The following FYB2 variants were observed in gnomAD, a reference collection of about 807,000 sequenced individuals.
The protein encoded by FYB2 is FYN binding protein 2, also known as FYN-binding protein 2.
In FYB2, 103 loss-of-function variants were observed where a neutral mutation model predicts 94.1. The observed-to-expected ratio is 1.09, with a 90% CI of 0.93 to 1.29. The LOEUF is 1.29. Ranked by LOEUF, FYB2 falls within the 50% of genes most tolerant of loss-of-function variation. FYB2 has a pLI of 0.00. For missense variants in FYB2, 896 were observed against 841.5 expected (o/e 1.06, Z -0.80); for synonymous variants, 293 against 287.9 (o/e 1.02, Z -0.18).
At chr1:56,790,631 G>A (rs1570163860) in intron 2 of FYB2, among the ~76,000 whole-genome samples, 1 of 152,264 alleles carries the variant, frequency 6.6e-6, no homozygotes, top group East Asian at 1.9e-4. Flanking sequence ...GTTCTAGGAA[G>A]TGGGGATAGA....
chr1:56,818,211 G>A (rs1038273638), intron 1 of FYB2, among the ~76,000 whole-genome samples: 1 of 152,052 alleles, frequency 6.6e-6, no homozygotes, highest in Admixed American at 6.6e-5. Flanking sequence ...TCAGAGGAGG[G>A]AGATGAAGTC....
At chr1:56,805,602 A>T (rs923117816) in intron 1 of FYB2, among the ~76,000 whole-genome samples, 24 of 152,166 alleles carry the variant, frequency 1.6e-4, no homozygotes, top group African/African-American at 5.6e-4. Flanking sequence ...CAGCCCTGAC[A>T]CCAAAGCCTG....
intron 17 of FYB2, 87 bp from the exon 18 acceptor site, chr1:56,720,416 T>A: frequency 3.2e-6 from 4 of 1,234,524 alleles, no homozygotes; most frequent in Non-Finnish European, 4.4e-6. Context: ...TATAGTAACT[T>A]CAAAATTAAC....
chr1:56,758,455 A>G (rs1314141331), intron 6 of FYB2, among the ~76,000 whole-genome samples: 2 of 152,088 alleles, frequency 1.3e-5, no homozygotes, highest in African/African-American at 2.4e-5. Context: ...TAGTTATTAA[A>G]AGCTAGTTGT....
intron 4 of FYB2, among the ~76,000 whole-genome samples, chr1:56,777,613 C>T (rs1000342310): frequency 2.6e-5 from 4 of 152,092 alleles, no homozygotes; most frequent in Non-Finnish European, 4.4e-5. Flanking sequence ...TTCTATTCTT[C>T]AGCCAACATT....
intron 15 of FYB2, among the ~76,000 whole-genome samples, chr1:56,728,954 A>G (rs960413852): frequency 1.3e-5 from 2 of 152,164 alleles, no homozygotes; most frequent in Admixed American, 6.6e-5. Context: ...GAATGAATTG[A>G]TGAAGTTGGA....
intron 11 of FYB2, among the ~76,000 whole-genome samples, chr1:56,742,990 G>A (rs1469729376): frequency 6.6e-6 from 1 of 151,798 alleles, no homozygotes; most frequent in African/African-American, 2.4e-5. Flanking sequence ...TATATAACAT[G>A]TTTTGATAAT....
intron 5 of FYB2, among the ~76,000 whole-genome samples, chr1:56,763,801 A>G (rs1364252880): frequency 1.3e-5 from 2 of 150,624 alleles, no homozygotes; most frequent in Non-Finnish European, 3.0e-5. Flanking sequence ...ATTTCATTTC[A>G]TTTATTTCTA....
intron 9 of FYB2, among the ~76,000 whole-genome samples, chr1:56,749,045 A>G (rs1021003155): frequency 7.9e-4 from 115 of 145,168 alleles, no homozygotes; most frequent in African/African-American, 2.9e-3. Context: ...AGCAGTCAGA[A>G]CTCAGTTGTG....
intron 3 of FYB2, among the ~76,000 whole-genome samples, chr1:56,788,470 G>T (rs557455149): frequency 6.6e-6 from 1 of 152,302 alleles, no homozygotes; most frequent in East Asian, 1.9e-4. Flanking sequence ...CAGAAAAATG[G>T]CTTCCAAAGA....
At chr1:56,762,768 A>T (rs1645529250) in intron 5 of FYB2, among the ~76,000 whole-genome samples, 1 of 152,186 alleles carries the variant, frequency 6.6e-6, no homozygotes, top group Non-Finnish European at 1.5e-5. Context: ...AACGTCCAGC[A>T]CTATGTTGAA....
intron 9 of FYB2, among the ~76,000 whole-genome samples, chr1:56,747,581 A>G (rs374096990): frequency 7.9e-4 from 120 of 152,248 alleles, no homozygotes; most frequent in Middle Eastern, 3.4e-3. Flanking sequence ...TGCAAAGGAC[A>G]TGAACTCATT....
chr1:56,736,960 C>T (rs554124356), intron 15 of FYB2, 127 bp downstream of exon 15: 7 of 732,942 alleles, frequency 9.6e-6, no homozygotes, highest in Admixed American at 3.3e-5. Context: ...AGTGAGAAGA[C>T]TATCTTAAGT....
chr1:56,757,474 T>C (rs1645360673), intron 6 of FYB2, among the ~76,000 whole-genome samples: 1 of 120,400 alleles, frequency 8.3e-6, no homozygotes, highest in Non-Finnish European at 1.8e-5. Context: ...ACACAGTGCT[T>C]ACATACTGTG....
chr1:56,725,152 G>T (rs556739155), intron 16 of FYB2, among the ~76,000 whole-genome samples: 26 of 152,120 alleles, frequency 1.7e-4, no homozygotes, highest in African/African-American at 5.8e-4. Context: ...ACAGAACCAT[G>T]AACTAAATAA....
At chr1:56,726,770 C>T (rs565602103) in intron 15 of FYB2, among the ~76,000 whole-genome samples, 187 bp from the exon 16 acceptor site, 15 of 152,174 alleles carry the variant, frequency 9.9e-5, no homozygotes, top group African/African-American at 3.6e-4. Flanking sequence ...ATCTCTATGG[C>T]AGCTCTTCAA....
chr1:56,768,890 A>G (rs1315833378), intron 4 of FYB2, among the ~76,000 whole-genome samples: 4 of 152,212 alleles, frequency 2.6e-5, no homozygotes, highest in Non-Finnish European at 5.9e-5. Flanking sequence ...AAAACAAGAG[A>G]CTGAGGGAAA....
At chr1:56,782,361 G>C (rs1774823) in intron 4 of FYB2, among the ~76,000 whole-genome samples, 26,821 of 151,856 alleles carry the variant, frequency 0.18, 2,613 homozygotes, top group East Asian at 0.26. Flanking sequence ...AATAAGTACT[G>C]TAAATGCATT....
chr1:56,804,434 G>A (rs140874754), intron 1 of FYB2, among the ~76,000 whole-genome samples: 49 of 152,228 alleles, frequency 3.2e-4, no homozygotes, highest in Middle Eastern at 3.4e-3. Flanking sequence ...CATCTAAAGC[G>A]CAGGTTCAGG....
Sources: gnomAD v4.1 joint callset for allele counts (sites outside exome capture counted in the v4.1 genomes callset) on GRCh38, gnomAD v4.1.1 for gene constraint, MANE v1.5 for transcripts, NCBI Gene and HGNC (gene_info 2026-07-23, HGNC 2026-07-21) for gene names.